The following COL4A2 variants were observed in gnomAD, a reference collection of about 807,000 sequenced individuals.
COL4A2 encodes collagen alpha-2(IV) chain.
A neutral mutation model predicts 200.2 loss-of-function variants in COL4A2; 99 were observed. The observed-to-expected ratio is 0.49, with a 90% CI of 0.42 to 0.58. The LOEUF is 0.58. Among genes scored for constraint, COL4A2 ranks in the 20% least tolerant of loss-of-function variants. The pLI is 0.00. For missense variants in COL4A2, 1,950 were observed against 2,314.1 expected, an observed-to-expected ratio of 0.84 and a Z score of 3.23; for synonymous variants, 897 against 900.6, an observed-to-expected ratio of 1.00 and a Z score of 0.07.
At chr13:110,407,494 A>C (rs1250370164) in intron 4 of COL4A2, among the ~76,000 whole-genome samples, 1 of 152,244 alleles carries the variant, frequency 6.6e-6, no homozygotes, top group Admixed American at 6.5e-5. Context: ...CCTGGGCATC[A>C]CATCCACCGA....
At chr13:110,322,177 G>C (rs748031927) in intron 3 of COL4A2, among the ~76,000 whole-genome samples, 2 of 152,234 alleles carry the variant, frequency 1.3e-5, no homozygotes. Flanking sequence ...GTGAGACCCA[G>C]CTCCAGATGA....
At chr13:110,500,566 A>G (rs2139548367) in intron 40 of COL4A2, among the ~76,000 whole-genome samples, 1 of 152,346 alleles carries the variant, frequency 6.6e-6, no homozygotes, top group Middle Eastern at 3.4e-3. Context: ...CTAGTGCCAA[A>G]GAGCTCCAGC....
rs959098172 is a variant in COL4A2, at chr13:110,348,680, A to T, written c.100-8792A>T. Among the ~76,000 whole-genome samples, 4 of 151,790 alleles carry T rather than the reference A, an allele frequency of 2.6e-5. No homozygotes were observed. In the East Asian group the frequency reaches 7.7e-4, roughly 29 times the overall value. On this transcript the variant is annotated intron_variant, in intron 3 of 47. Transcript: ENST00000360467. The stretch of plus-strand genomic sequence containing the variant: ...GATTTTTTTTTTTTGCCTTGAAAAG[A>T]TAACTTTTTAGCTTTCAAAAGGATG...
intron 4 of COL4A2, among the ~76,000 whole-genome samples, chr13:110,358,439 T>G (rs1430262649): frequency 6.6e-6 from 1 of 152,204 alleles, no homozygotes; most frequent in Non-Finnish European, 1.5e-5. Flanking sequence ...AGTTAACATA[T>G]GTACACATAT....
Position 110,334,135 on chromosome 13 carries a change from C to T in COL4A2, c.100-23337C>T, listed in dbSNP as rs1436202518. On this transcript the variant is annotated intron_variant, in intron 3 of 47. Coordinates refer to ENST00000360467, the MANE Select transcript of COL4A2 (RefSeq NM_001846.4). ...CCTAGACACGGCCTGAACACAGAGGCGTTTGATAAAAAATGTACAATATGA... is the reference window on the plus strand; with the variant it reads ...CCTAGACACGGCCTGAACACAGAGGTGTTTGATAAAAAATGTACAATATGA... Among the ~76,000 whole-genome samples the T allele has an allele frequency of 3.3e-5, 5 of 152,218 alleles. No individual in the cohort carries two copies. In the East Asian group the frequency reaches 5.8e-4, roughly 18 times the overall value.
intron 20 of COL4A2, among the ~76,000 whole-genome samples, chr13:110,453,362 G>A (rs1008633720): frequency 8.5e-5 from 13 of 152,064 alleles, no homozygotes; most frequent in African/African-American, 3.1e-4. Context: ...TTAGCCAAGT[G>A]CGGTGGTGCA....
At chr13:110,312,986 G>C (rs1000606876) in intron 3 of COL4A2, among the ~76,000 whole-genome samples, 1 of 152,194 alleles carries the variant, frequency 6.6e-6, no homozygotes, top group African/African-American at 2.4e-5. Flanking sequence ...ACCTGTGAGG[G>C]TGAGCCGGGG....
At chr13:110,323,962 CCT>C (rs1425722845) in intron 3 of COL4A2, among the ~76,000 whole-genome samples, 3 of 152,228 alleles carry the variant, frequency 2.0e-5, no homozygotes, top group Non-Finnish European at 2.9e-5. Context: ...ACTGAAGGTT[CCT>C]CTCTCATTGG....
At chr13:110,439,741 T>C (rs762855005) in intron 15 of COL4A2, 48 bp from the exon 16 acceptor site, 2 of 1,613,166 alleles carry the variant, frequency 1.2e-6, no homozygotes, top group South Asian at 1.1e-5. Context: ...TCTGGAAATG[T>C]CTACTGCATA....
At chr13:110,404,056 G>A (rs763251851) in intron 4 of COL4A2, among the ~76,000 whole-genome samples, 30 of 152,074 alleles carry the variant, frequency 2.0e-4, no homozygotes, top group Non-Finnish European at 3.7e-4. Context: ...GTACCCCCAG[G>A]ACCTACTCAC....
chr13:110,363,117 A>C (rs1877588343), intron 4 of COL4A2, among the ~76,000 whole-genome samples: 1 of 146,148 alleles, frequency 6.8e-6, no homozygotes, highest in African/African-American at 2.4e-5. Context: ...CTGTCACACG[A>C]CAACAGGGAA....
rs566092913 is a variant in COL4A2, at chr13:110,331,939, C to G, written c.99+23816C>G. Among the ~76,000 whole-genome samples, 14 of 152,166 alleles carry G rather than the reference C, an allele frequency of 9.2e-5. No homozygotes were observed. The South Asian group carries it at 1.9e-3, about 20-fold the overall frequency. ...TGTGTTGCAAAGACCTTTTTTCACT[C>G]TGTCTTTTCTGTCTTAATGATGTCC... On this transcript the variant is annotated intron_variant, in intron 3 of 47. Transcript: ENST00000360467.
Position 110,407,310 on chromosome 13 carries a change from G to T in COL4A2, c.181-17424G>T, listed in dbSNP as rs574702028. Among the ~76,000 whole-genome samples the T allele has an allele frequency of 1.7e-3, 263 of 152,340 alleles. 1 individual carries two copies. Among genetic ancestry groups the T allele is most frequent in the African/African-American group, 5.9e-3 (247 of 41,588 alleles). ...GTGAGCGAGGAGGAATGATGCGTCA[G>T]TTCAGTTCACCAGGAGAAACGTGGA... On this transcript the variant is annotated intron_variant, in intron 4 of 47. Transcript: ENST00000360467.
intron 4 of COL4A2, among the ~76,000 whole-genome samples, chr13:110,423,380 A>T (rs72657918): frequency 0.042 from 6,401 of 151,946 alleles, 182 homozygotes; most frequent in Middle Eastern, 0.095. Context: ...TATGAGTGGG[A>T]GCTGAACAAT....
chr13:110,330,414 G>T (rs1044478147), intron 3 of COL4A2, among the ~76,000 whole-genome samples: 2 of 152,136 alleles, frequency 1.3e-5, no homozygotes, highest in Non-Finnish European at 1.5e-5. Context: ...AGGCGGGGGG[G>T]CAGCCCCAAC....
chr13:110,423,543 A>G (rs1221108124), intron 4 of COL4A2, among the ~76,000 whole-genome samples: 1 of 152,122 alleles, frequency 6.6e-6, no homozygotes, highest in Non-Finnish European at 1.5e-5. Flanking sequence ...CCAGGGTACT[A>G]ATAAAATAAA....
At chr13:110,339,312 C>G (rs764821038) in intron 3 of COL4A2, among the ~76,000 whole-genome samples, 1 of 152,198 alleles carries the variant, frequency 6.6e-6, no homozygotes, top group African/African-American at 2.4e-5. Context: ...ACAATAGCAT[C>G]GTGATGAGAT....
chr13:110,480,991 CA>C (rs869192988), intron 31 of COL4A2, among the ~76,000 whole-genome samples: 2 of 128,654 alleles, frequency 1.6e-5, no homozygotes, highest in African/African-American at 3.1e-5. Flanking sequence ...TCTGTCCTTC[CA>C]TTGCTGGAGA....
At chr13:110,415,534 C>T (rs551261979) in intron 4 of COL4A2, among the ~76,000 whole-genome samples, 2 of 152,272 alleles carry the variant, frequency 1.3e-5, no homozygotes, top group African/African-American at 4.8e-5. Context: ...ACTTTTGGCT[C>T]GTAACCTTTT....
Sources: allele counts gnomAD v4.1 joint callset (sites outside exome capture counted in the v4.1 genomes callset), GRCh38; gene constraint gnomAD v4.1.1; transcripts MANE v1.5; gene names NCBI Gene and HGNC (gene_info 2026-07-23, HGNC 2026-07-21).